The following SYN3 variants were observed in gnomAD, a reference collection of about 807,000 sequenced individuals.
SYN3 encodes synapsin-3.
Under a neutral mutation model 65.8 loss-of-function variants are expected in SYN3, and 35 were observed. The observed-to-expected ratio is 0.53, with a 90% CI of 0.41 to 0.70. SYN3 has a LOEUF of 0.70. Among genes scored for constraint, SYN3 ranks in the 30% least tolerant of loss-of-function variants. The pLI is 0.00. For synonymous variants in SYN3, 270 were observed against 292.9 expected (o/e 0.92, Z 0.80); for missense variants, 680 against 749.0 (o/e 0.91, Z 1.08).
intron 1 of SYN3, among the ~76,000 whole-genome samples, chr22:33,009,240 C>G (rs1277974291): frequency 1.3e-5 from 2 of 152,100 alleles, no homozygotes; most frequent in Non-Finnish European, 2.9e-5. Context: ...TTTGCACACT[C>G]CATTTGAGAG....
chr22:32,787,182 A>G (rs2046217218), intron 6 of SYN3, among the ~76,000 whole-genome samples: 1 of 150,766 alleles, frequency 6.6e-6, no homozygotes, highest in South Asian at 2.1e-4. Flanking sequence ...CAAGTAGCTG[A>G]GATTACAGGT....
rs528308621 is a variant in SYN3 at position 32,762,627 on chromosome 22, C to T, written c.711+102288G>A. 1.6e-4 allele frequency among the ~76,000 whole-genome samples: 20 copies of T among 123,428 alleles called. 1 individual carries two copies. The South Asian group carries it at 4.2e-3, about 26-fold the overall frequency. 81.0% of individuals were successfully genotyped at this position (123,428 alleles called of 152,430 possible). ...TAAAGGGCATAAAGATGGCCAGGGT[C>T]GCGAAACCCAGTGTCTGCAACCAGG... On this transcript the variant is annotated intron_variant, in intron 6 of 13. Transcript: ENST00000358763.
chr22:32,682,380 G>A (rs1181680380), intron 6 of SYN3, among the ~76,000 whole-genome samples: 2 of 152,178 alleles, frequency 1.3e-5, no homozygotes, highest in African/African-American at 4.8e-5. Context: ...CTTACATTTT[G>A]CAAGATGCCT....
intron 6 of SYN3, among the ~76,000 whole-genome samples, chr22:32,846,087 T>C (rs1021612150): frequency 2.0e-5 from 3 of 152,150 alleles, no homozygotes; most frequent in African/African-American, 7.3e-5. Flanking sequence ...TGAAGTTTTG[T>C]TTTTGTAAGG....
chr22:32,778,267 G>A (rs1213467953), intron 6 of SYN3, among the ~76,000 whole-genome samples: 1 of 150,716 alleles, frequency 6.6e-6, no homozygotes, highest in African/African-American at 2.5e-5. Context: ...CCTAGCTACA[G>A]GAAAAGGTGT....
chr22:33,031,143 G>T (rs1273088152), intron 1 of SYN3, among the ~76,000 whole-genome samples: 1 of 152,194 alleles, frequency 6.6e-6, no homozygotes, highest in Non-Finnish European at 1.5e-5. Context: ...GCTGGGCAGT[G>T]CTTCTGGTGG....
chr22:32,917,349 C>T (rs1360098078), intron 4 of SYN3, among the ~76,000 whole-genome samples: 3 of 152,166 alleles, frequency 2.0e-5, no homozygotes, highest in Non-Finnish European at 4.4e-5. Flanking sequence ...AGACCTACTC[C>T]TCCACCTGTC....
chr22:32,779,721 G>C (rs2045987772), intron 6 of SYN3, among the ~76,000 whole-genome samples: 1 of 152,120 alleles, frequency 6.6e-6, no homozygotes, highest in Admixed American at 6.5e-5. Flanking sequence ...CAAATGCCCA[G>C]TCTCCCCAGG....
intron 6 of SYN3, among the ~76,000 whole-genome samples, chr22:32,851,582 T>C (rs550484918): frequency 4.6e-5 from 7 of 152,250 alleles, no homozygotes; most frequent in Admixed American, 2.6e-4. Context: ...TCATGAATCA[T>C]GGTGCTGGGA....
At chr22:32,676,705 TTTTTG>T (rs2060450409) in intron 6 of SYN3, among the ~76,000 whole-genome samples, 2 of 100,158 alleles carry the variant, frequency 2.0e-5, no homozygotes, top group Admixed American at 2.2e-4. Flanking sequence ...CCCGGTTAAT[TTTTTG>T]TTTTTTTTTT....
intron 6 of SYN3, among the ~76,000 whole-genome samples, chr22:32,847,919 C>G (rs780874518): frequency 6.6e-6 from 1 of 152,210 alleles, no homozygotes; most frequent in Admixed American, 6.5e-5. Flanking sequence ...CATCACACCC[C>G]CTGATAGAGG....
Position 33,006,531 on chromosome 22 carries a change from G to T in SYN3, c.132C>A (p.His44Gln), listed in dbSNP as rs147984631. ...AGAAGGAGGCAGCCAGGGGCTGGGG[G>T]TGCCTCCTCTCCATGGCGGGGGAAG... is the stretch of plus-strand genomic sequence containing the variant. ...SPASPAMERR[H>Q]PQPLAASFSS... The change falls in exon 2 of 14, where the codon CAC becomes CAA. Residue 44 changes from histidine (H) to glutamine (Q), a missense_variant. His to Gln is a conservative substitution (Grantham distance 24). Coordinates refer to ENST00000358763, the MANE Select transcript of SYN3 (RefSeq NM_003490.4). 4 of 1,614,196 alleles carry T rather than the reference G, an allele frequency of 2.5e-6. No individual in the cohort carries two copies. Among genetic ancestry groups the T allele is most frequent in the Non-Finnish European group, 1.7e-6 (2 of 1,180,038 alleles).
At chr22:32,994,109 G>A (rs1441423919) in intron 2 of SYN3, among the ~76,000 whole-genome samples, 2 of 152,034 alleles carry the variant, frequency 1.3e-5, no homozygotes, top group East Asian at 3.9e-4. Context: ...TCACGGAGAG[G>A]GGTCAGCACT....
rs937954568 is a variant in SYN3, at chr22:32,883,814, G to C, written c.462-14689C>G. On this transcript the variant is annotated intron_variant, in intron 4 of 13. Coordinates refer to ENST00000358763, the MANE Select transcript of SYN3 (RefSeq NM_003490.4). ...GATTCCTGTCCTATGGCGTAGCTAA[G>C]TTTGATGAGGGGAATAAGTTGGCAA... Among the ~76,000 whole-genome samples, 13 of 152,254 alleles carry C rather than the reference G, an allele frequency of 8.5e-5. 1 individual carries two copies. Among genetic ancestry groups the C allele is most frequent in the African/African-American group, 3.1e-4 (13 of 41,478 alleles).
At chr22:32,586,907 C>T (rs1393310611) in intron 7 of SYN3, among the ~76,000 whole-genome samples, 4 of 152,070 alleles carry the variant, frequency 2.6e-5, no homozygotes, top group Non-Finnish European at 5.9e-5. Context: ...TATCCCCTCC[C>T]GAGGGCCCAC....
chr22:32,777,347 T>C (rs1162201443), intron 6 of SYN3, among the ~76,000 whole-genome samples: 5 of 151,830 alleles, frequency 3.3e-5, no homozygotes, highest in Non-Finnish European at 7.4e-5. Context: ...TATGGGCACA[T>C]TAGATTTCAT....
intron 6 of SYN3, among the ~76,000 whole-genome samples, chr22:32,669,311 T>C (rs2147054736): frequency 6.6e-6 from 1 of 152,276 alleles, no homozygotes; most frequent in Admixed American, 6.5e-5. Flanking sequence ...TCATTCCTTA[T>C]GGGCCAGCAG....
intron 6 of SYN3, among the ~76,000 whole-genome samples, chr22:32,688,376 A>C (rs1207169944): frequency 6.6e-6 from 1 of 152,186 alleles, no homozygotes; most frequent in African/African-American, 2.4e-5. Flanking sequence ...AAATTGGTCA[A>C]CATATATATT....
chr22:32,545,433 G>A (rs1348363536), intron 7 of SYN3, among the ~76,000 whole-genome samples: 1 of 152,220 alleles, frequency 6.6e-6, no homozygotes, highest in Non-Finnish European at 1.5e-5. Context: ...CAGACATAGT[G>A]GTTTAATGCA....
Sources: gnomAD v4.1 joint callset for allele counts (sites outside exome capture counted in the v4.1 genomes callset) on GRCh38, gnomAD v4.1.1 for gene constraint, MANE v1.5 for transcripts, NCBI Gene and HGNC (gene_info 2026-07-23, HGNC 2026-07-21) for gene names.